Variants in EGFL7 observed in about 807,000 individuals in gnomAD.
EGFL7 encodes the protein EGF like domain multiple 7.
In EGFL7, 48 loss-of-function variants were observed where a neutral mutation model predicts 37.1. The observed-to-expected ratio is 1.29, with a 90% CI of 1.03 to 1.65. The LOEUF is 1.65. EGFL7 is among the 40% of genes most tolerant of loss of function. The pLI is 0.00. For missense variants in EGFL7, 384 were observed against 378.9 expected (o/e 1.01, Z -0.11); for synonymous variants, 180 against 156.8 (o/e 1.15, Z -1.10).
intron 6 of EGFL7, 92 bp from the exon 7 acceptor site, chr9:136,669,822 C>A: frequency 6.9e-7 from 1 of 1,439,176 alleles, no homozygotes; most frequent in South Asian, 1.3e-5. Context: ...AGCAAAGCAC[C>A]ACCTTGCCGC....
chr9:136,660,385 G>A (rs1308763968), upstream of EGFL7: 2 of 152,370 alleles, frequency 1.3e-5, no homozygotes, highest in Non-Finnish European at 2.9e-5. Context: ...TCCAGGCTAT[G>A]GGATAGGGCA....
intron 2 of EGFL7, among the ~76,000 whole-genome samples, chr9:136,664,166 G>A (rs1446557855): frequency 2.6e-5 from 4 of 152,176 alleles, no homozygotes; most frequent in Non-Finnish European, 5.9e-5. Flanking sequence ...GATGAGGAAC[G>A]CCCCCTGACA....
chr9:136,659,557 G>A (rs1448822884), upstream of EGFL7: 1 of 152,150 alleles, frequency 6.6e-6, no homozygotes. Context: ...AGGGGTCCGG[G>A]AGGCCCGGGA....
chr9:136,667,898 C>G (rs1383808953), intron 3 of EGFL7, among the ~76,000 whole-genome samples: 1 of 152,202 alleles, frequency 6.6e-6, no homozygotes, highest in Non-Finnish European at 1.5e-5. Flanking sequence ...GCCCTGGAAC[C>G]AGGCAGGACA....
rs1347078468 is a variant in EGFL7 at position 136,672,417 on chromosome 9, TCTTCCTCCTCCC to T, written c.*139_*150del. On this transcript the variant is annotated 3_prime_UTR_variant, in exon 11 of 11. Transcript: ENST00000308874. Reference sequence around the variant, plus strand: ...GGAAGGCCAGGCAGGGCCTTCCTCCTCTTCCTCCTCCCCTTCCTCGGGAGGCTCCCCAGACCC... The same window carrying T: ...GGAAGGCCAGGCAGGGCCTTCCTCCTCTTCCTCGGGAGGCTCCCCAGACCC... The T allele has an allele frequency of 5.5e-6, 6 of 1,089,252 alleles. No homozygotes were observed. Among genetic ancestry groups the T allele is most frequent in the African/African-American group, 3.1e-5 (2 of 63,754 alleles). The allele number at this position is 1,089,252 out of a possible 1,614,324, so 67.5% of individuals were successfully genotyped here.
chr9:136,667,468 C>T (rs1044781726), intron 3 of EGFL7, among the ~76,000 whole-genome samples: 2 of 152,230 alleles, frequency 1.3e-5, no homozygotes, highest in African/African-American at 4.8e-5. Context: ...GGCTCTCATG[C>T]TCTCAGGAAG....
Position 136,669,618 on chromosome 9 carries a change from G to C in EGFL7, c.210G>C (p.Arg70Ser), listed in dbSNP as rs2119133641. The change falls in exon 6 of 11, where the codon AGG becomes AGC. Residue 70 changes from arginine (R) to serine (S), a missense_variant. Coordinates refer to ENST00000308874, the MANE Select transcript of EGFL7 (RefSeq NM_016215.5). ...RACSTYRTIY[R>S]TAYRRSPGLA... ...ACCCACCCCACAGAACCATCTATAG[G>C]ACCGCCTACCGCCGCAGCCCTGGGC... The C allele has an allele frequency of 6.2e-7, 1 of 1,610,860 alleles. No homozygotes were observed. Among genetic ancestry groups the C allele is most frequent in the Admixed American group, 1.7e-5 (1 of 59,856 alleles).
chr9:136,668,116 G>A (rs1845592865), intron 3 of EGFL7, 125 bp from the exon 4 acceptor site: 1 of 599,658 alleles, frequency 1.7e-6, no homozygotes, highest in Admixed American at 3.2e-5. Context: ...GCCACCGTGG[G>A]GCTGTCCCAC....
chr9:136,662,800 A>T (rs550239353), upstream of EGFL7: 4 of 152,080 alleles, frequency 2.6e-5, no homozygotes, highest in African/African-American at 7.2e-5. Context: ...TGTTTGTCCG[A>T]CGACACGTCC....
rs1216156639 is a variant in EGFL7, at chr9:136,672,339, A to G, written c.*53A>G. On this transcript the variant is annotated 3_prime_UTR_variant, in exon 11 of 11. Transcript: ENST00000308874. ...CCCCTCACGCCGCCCTGCAGCCCCC[A>G]TGCCCCTGCCCAACATGCTGGGGGT... 1.7e-5 allele frequency: 27 copies of G among 1,611,566 alleles called. No individual in the cohort carries two copies. The Admixed American group carries it at 4.3e-4, about 26-fold the overall frequency.
Position 136,672,631 on chromosome 9 carries a change from C to T in EGFL7, c.*345C>T. The T allele has an allele frequency of 2.2e-6, 1 of 460,696 alleles. No individual in the cohort carries two copies. The highest frequency in any genetic ancestry group is 3.4e-5 in the South Asian group (1 of 29,286). The allele number at this position is 460,696 out of a possible 1,614,324, so 28.5% of individuals were successfully genotyped here. On this transcript the variant is annotated 3_prime_UTR_variant, in exon 11 of 11. Transcript: ENST00000308874. ...GCAGCCCGGAGGCTGGGTGGGGCCT[C>T]AGTGGGGGCTGCTGCCTGACCCCCA...
chr9:136,670,561 T>C (rs1845782576), intron 8 of EGFL7: 3 of 789,124 alleles, frequency 3.8e-6, no homozygotes, highest in East Asian at 4.9e-5. Flanking sequence ...CCCGGGGTCC[T>C]GTCTGCATCC....
intron 3 of EGFL7, chr9:136,665,786 G>A (rs1845428301): frequency 6.8e-6 from 1 of 146,596 alleles, no homozygotes; most frequent in Non-Finnish European, 1.5e-5. Flanking sequence ...GGGCGGCAGT[G>A]GCGGCGGCGC....
chr9:136,670,504 A>T, intron 8 of EGFL7, 174 bp downstream of exon 8: 1 of 905,892 alleles, frequency 1.1e-6, no homozygotes, highest in Non-Finnish European at 1.8e-6. Context: ...AACTGGGGGC[A>T]GGTTGCCCGG....
intron 5 of EGFL7, among the ~76,000 whole-genome samples, 187 bp from the exon 6 acceptor site, chr9:136,669,419 G>A (rs994384357): frequency 3.9e-5 from 6 of 152,288 alleles, no homozygotes; most frequent in South Asian, 2.1e-4. Flanking sequence ...CTTGAGTCCC[G>A]GCCAGCACCG....
chr9:136,664,056 G>A (rs1274585703), intron 2 of EGFL7, among the ~76,000 whole-genome samples: 1 of 152,186 alleles, frequency 6.6e-6, no homozygotes, highest in Non-Finnish European at 1.5e-5. Context: ...CCCACCCAGA[G>A]GCCCCCTAGG....
At chr9:136,670,746 T>G in intron 8 of EGFL7, 2 of 738,406 alleles carry the variant, frequency 2.7e-6, no homozygotes, top group Non-Finnish European at 2.5e-6. Context: ...GCCGGGACCC[T>G]GAGCCTCTGC....
intron 3 of EGFL7, 134 bp downstream of exon 3, chr9:136,664,919 C>G (rs543538211): frequency 2.0e-5 from 3 of 152,298 alleles, no homozygotes; most frequent in Admixed American, 6.5e-5. Context: ...CCCCACGTGC[C>G]GCGCCCGCAG....
intron 7 of EGFL7, 33 bp from the exon 8 acceptor site, chr9:136,670,136 A>G (rs1016197604): frequency 1.2e-6 from 2 of 1,612,322 alleles, no homozygotes; most frequent in South Asian, 2.2e-5. Flanking sequence ...CCCCTCCCGC[A>G]GGCATGGCCG....
Sources: allele counts gnomAD v4.1 joint callset (sites outside exome capture counted in the v4.1 genomes callset), GRCh38; gene constraint gnomAD v4.1.1; transcripts MANE v1.5; gene names NCBI Gene and HGNC (gene_info 2026-07-23, HGNC 2026-07-21).